Variants in ZNF503 observed in about 807,000 individuals in gnomAD.
The protein encoded by ZNF503 is zinc finger protein 503.
ZNF503 carries 15 observed loss-of-function variants against 34.4 expected under a neutral mutation model. That is an observed-to-expected ratio of 0.44 (90% CI 0.29 to 0.67). The LOEUF (loss-of-function observed/expected upper bound fraction) is 0.67. ZNF503 is among the 30% of genes least tolerant of loss of function. The pLI is 0.13. For synonymous variants in ZNF503, 580 were observed against 456.8 expected (o/e 1.27, Z -3.44); for missense variants, 1,007 against 926.8 (o/e 1.09, Z -1.12).
chr10:75,399,314 G>A lies in ZNF503; in HGVS notation c.1376C>T (p.Ala459Val). 6.2e-7 allele frequency: 1 copy of A among 1,602,594 alleles called. No homozygotes were observed. The stretch of plus-strand genomic sequence containing the variant: ...CGGGTATCCGGACTTCAGCGCCGCA[G>A]CCGCAGCAGCCGGATCATGTGCGCA... ...ASCAHDPAAA[A>V]AALKSGYPLV... The change falls in exon 2 of 2, where the codon GCT (alanine) becomes GTT (valine). Residue 459 changes from alanine (A) to valine (V), a missense_variant. Ala to Val is a moderately conservative substitution (Grantham distance 64). Coordinates refer to ENST00000372524, the MANE Select transcript of ZNF503 (RefSeq NM_032772.6).
the ZNF503 span, among the ~76,000 whole-genome samples, chr10:75,366,215 T>G: frequency 1.4e-4 from 22 of 152,216 alleles, no homozygotes; most frequent in Non-Finnish European, 2.4e-4. Context: ...CTTTTGTATA[T>G]ACCATTGCTT....
At chr10:75,288,296 C>G in the ZNF503 span, 16 of 151,418 alleles carry the variant, frequency 1.1e-4, no homozygotes, top group Admixed American at 9.2e-4. Context: ...GCAGATAAGA[C>G]AAGAGTAGAG....
chr10:75,317,444 A>ATTTT, the ZNF503 span, among the ~76,000 whole-genome samples: 1 of 140,310 alleles, frequency 7.1e-6, no homozygotes, highest in Non-Finnish European at 1.6e-5. Flanking sequence ...CACCTGGCTA[A>ATTTT]TTTTTTTTTT....
the ZNF503 span, among the ~76,000 whole-genome samples, chr10:75,287,487 A>T: frequency 6.6e-6 from 1 of 151,596 alleles, no homozygotes; most frequent in Non-Finnish European, 1.5e-5. Context: ...CCTGGAGCCC[A>T]CCCTCTACTC....
chr10:75,396,133 C>T (rs1350778448), downstream of ZNF503, among the ~76,000 whole-genome samples: 2 of 152,060 alleles, frequency 1.3e-5, no homozygotes, highest in Non-Finnish European at 1.5e-5. The surrounding 1 kb of genome is among the most constrained non-coding windows in gnomAD (Gnocchi z 4.4). Context: ...CGCGCTCCCG[C>T]CCTCCCACCT....
chr10:75,383,264 A>C, the ZNF503 span, among the ~76,000 whole-genome samples: 3 of 152,116 alleles, frequency 2.0e-5, no homozygotes, highest in East Asian at 5.8e-4. Flanking sequence ...CCATCCATCT[A>C]GGGCTGGGGA....
chr10:75,360,334 GC>G, the ZNF503 span, among the ~76,000 whole-genome samples: 49 of 152,048 alleles, frequency 3.2e-4, no homozygotes, highest in African/African-American at 1.1e-3. Flanking sequence ...CGCCGTGTTA[GC>G]CAGGATGGTC....
chr10:75,385,896 C>T, the ZNF503 span, among the ~76,000 whole-genome samples: 4 of 152,182 alleles, frequency 2.6e-5, no homozygotes, highest in Non-Finnish European at 4.4e-5. Context: ...ACATCACTCA[C>T]ACCCCAGGTT....
At chr10:75,380,808 A>G in the ZNF503 span, among the ~76,000 whole-genome samples, 1 of 152,176 alleles carries the variant, frequency 6.6e-6, no homozygotes, top group African/African-American at 2.4e-5. Flanking sequence ...CAGAAGAGGT[A>G]ATATTGTTTC....
the ZNF503 span, among the ~76,000 whole-genome samples, chr10:75,322,811 AC>A: frequency 6.6e-6 from 1 of 152,206 alleles, no homozygotes; most frequent in African/African-American, 2.4e-5. Flanking sequence ...CTGCACTCTA[AC>A]CTGGGCAGCA....
chr10:75,369,506 A>T, the ZNF503 span, among the ~76,000 whole-genome samples: 2 of 152,156 alleles, frequency 1.3e-5, no homozygotes, highest in African/African-American at 4.8e-5. Flanking sequence ...GAAGAAGGAC[A>T]TGTTTTCTTC....
chr10:75,354,133 C>T, the ZNF503 span, among the ~76,000 whole-genome samples: 1 of 152,186 alleles, frequency 6.6e-6, no homozygotes, highest in African/African-American at 2.4e-5. Flanking sequence ...AATGCATTCT[C>T]CACTCTCCCT....
the ZNF503 span, among the ~76,000 whole-genome samples, chr10:75,314,710 A>C: frequency 7.4e-4 from 113 of 152,372 alleles, 1 homozygote; most frequent in African/African-American, 2.6e-3. Flanking sequence ...AGCATCTACC[A>C]GCAGATTTCT....
the ZNF503 span, among the ~76,000 whole-genome samples, chr10:75,369,552 C>T: frequency 6.6e-6 from 1 of 152,170 alleles, no homozygotes; most frequent in East Asian, 1.9e-4. Context: ...TTGAGGCCTC[C>T]CCAGCCATGT....
chr10:75,321,578 G>A, the ZNF503 span, among the ~76,000 whole-genome samples: 4 of 152,184 alleles, frequency 2.6e-5, no homozygotes, highest in Non-Finnish European at 2.9e-5. Flanking sequence ...ATGGAAATAA[G>A]GAACTTATTG....
chr10:75,341,752 A>G, the ZNF503 span, among the ~76,000 whole-genome samples: 1 of 152,242 alleles, frequency 6.6e-6, no homozygotes, highest in Non-Finnish European at 1.5e-5. Flanking sequence ...ACATTACTAC[A>G]AATTACATGT....
the ZNF503 span, among the ~76,000 whole-genome samples, chr10:75,304,812 C>T: frequency 6.6e-6 from 1 of 152,154 alleles, no homozygotes; most frequent in Admixed American, 6.5e-5. Context: ...AAGGAATTTC[C>T]ATATGTAAAG....
the ZNF503 span, among the ~76,000 whole-genome samples, chr10:75,294,817 G>A: frequency 1.3e-5 from 2 of 152,078 alleles, no homozygotes; most frequent in African/African-American, 4.8e-5. Context: ...GCGCGGAGGG[G>A]GTGTCAGCGA....
At chr10:75,378,257 A>G in the ZNF503 span, among the ~76,000 whole-genome samples, 1 of 152,126 alleles carries the variant, frequency 6.6e-6, no homozygotes, top group East Asian at 1.9e-4. Flanking sequence ...GTCACTCAGA[A>G]AAAGGACAAC....
Sources: gnomAD v4.1 joint callset for allele counts (sites outside exome capture counted in the v4.1 genomes callset) on GRCh38, gnomAD v4.1.1 for gene constraint, Gnocchi (gnomAD v3.1) non-coding constraint, MANE v1.5 for transcripts, NCBI Gene and HGNC (gene_info 2026-07-23, HGNC 2026-07-21) for gene names.